Variants in LMNTD1 observed in about 807,000 individuals in gnomAD.
LMNTD1 encodes lamin tail domain containing 1.
LMNTD1 carries 35 observed loss-of-function variants against 50.9 expected under a neutral mutation model. That is an observed-to-expected ratio of 0.69 (90% CI 0.53 to 0.91). The LOEUF is 0.91. LMNTD1 is among the 40% of genes least tolerant of loss of function. The pLI, the probability that LMNTD1 is intolerant of heterozygous loss-of-function variation, is 0.00. For missense variants in LMNTD1, 470 were observed against 475.5 expected, an observed-to-expected ratio of 0.99 and a Z score of 0.11; for synonymous variants, 153 against 161.9, an observed-to-expected ratio of 0.94 and a Z score of 0.42.
In LMNTD1 at chr12:25,646,241, G is replaced by T. The variant is rs149888273; in HGVS notation, c.58+2253C>A. 3.2e-3 allele frequency among the ~76,000 whole-genome samples: 489 copies of T among 151,586 alleles called. 2 individuals carry two copies. The highest frequency in any genetic ancestry group is 0.012 in the African/African-American group (478 of 41,354). On this transcript the variant is annotated intron_variant, in intron 1 of 7. Transcript: ENST00000445693. ...AGAACAGGCCTGTTGTTCATTGACA[G>T]CATATGGAAAGTAGAGCTCAGTGTC...
At chr12:25,648,041 T>C (rs1343692714) in intron 1 of LMNTD1, among the ~76,000 whole-genome samples, 2 of 152,200 alleles carry the variant, frequency 1.3e-5, no homozygotes, top group Admixed American at 1.3e-4. Flanking sequence ...ATAGAGAATG[T>C]AGTTTTTTAA....
At chr12:25,621,961 T>C (rs1352473188) in intron 1 of LMNTD1, among the ~76,000 whole-genome samples, 6 of 152,234 alleles carry the variant, frequency 3.9e-5, no homozygotes, top group African/African-American at 1.4e-4. Flanking sequence ...ACAATCAAAG[T>C]TACTGTAGTA....
At chr12:25,499,637 T>C (rs1362278491) in intron 9 of LMNTD1, among the ~76,000 whole-genome samples, 1 of 152,160 alleles carries the variant, frequency 6.6e-6, no homozygotes, top group Non-Finnish European at 1.5e-5. Flanking sequence ...CATTTTCTTC[T>C]TGCTGGTACT....
At chr12:25,619,704 C>T (rs759983447) in intron 1 of LMNTD1, among the ~76,000 whole-genome samples, 5 of 152,198 alleles carry the variant, frequency 3.3e-5, no homozygotes, top group South Asian at 2.1e-4. Flanking sequence ...GTGGGCAGGA[C>T]GGCAGGTGGG....
chr12:25,549,660 G>T, intron 2 of LMNTD1, 114 bp from the exon 3 acceptor site: 1 of 500,640 alleles, frequency 2.0e-6, no homozygotes, highest in Non-Finnish European at 3.4e-6. Flanking sequence ...AAGGTAATAT[G>T]CATCCAACAC....
chr12:25,506,730 C>A (rs1939813889), intron 8 of LMNTD1, among the ~76,000 whole-genome samples: 1 of 150,168 alleles, frequency 6.7e-6, no homozygotes, highest in Non-Finnish European at 1.5e-5. Context: ...TAGATTCTAT[C>A]AAAAAATTGG....
At chr12:25,626,793 C>T (rs905664391) in intron 1 of LMNTD1, among the ~76,000 whole-genome samples, 1 of 152,162 alleles carries the variant, frequency 6.6e-6, no homozygotes, top group Non-Finnish European at 1.5e-5. Flanking sequence ...ATAAAGATTG[C>T]TCCCACCCAA....
chr12:25,620,123 C>G (rs757106931), intron 1 of LMNTD1, among the ~76,000 whole-genome samples: 3 of 152,222 alleles, frequency 2.0e-5, no homozygotes, highest in African/African-American at 7.2e-5. Context: ...GGACTAGCTA[C>G]TGTCATAGTT....
chr12:25,529,306 C>G (rs1003175647), intron 4 of LMNTD1, among the ~76,000 whole-genome samples: 2 of 152,146 alleles, frequency 1.3e-5, no homozygotes, highest in Non-Finnish European at 2.9e-5. Flanking sequence ...ACAGTGTTTA[C>G]TAACCATTAA....
intron 1 of LMNTD1, among the ~76,000 whole-genome samples, chr12:25,613,292 T>TA (rs1382778451): frequency 6.6e-6 from 1 of 152,186 alleles, no homozygotes; most frequent in Non-Finnish European, 1.5e-5. Context: ...TTATTGCTGG[T>TA]TCTGACATGA....
At chr12:25,518,005 A>G (rs1705413) in intron 8 of LMNTD1, among the ~76,000 whole-genome samples, 152,217 of 152,218 alleles carry the variant, frequency 1, 76,108 homozygotes, top group Non-Finnish European at 1. Context: ...CACCTTGGGT[A>G]GATCTGTTTT....
At chr12:25,556,518 A>G (rs888348486), upstream of LMNTD1, among the ~76,000 whole-genome samples, 3 of 152,106 alleles carry the variant, frequency 2.0e-5, no homozygotes, top group Admixed American at 2.0e-4. Context: ...ATGCTTGTCC[A>G]TTCCTGAACC....
At chr12:25,498,123 TTCTCAC>T (rs1939170416) in intron 9 of LMNTD1, among the ~76,000 whole-genome samples, 1 of 152,140 alleles carries the variant, frequency 6.6e-6, no homozygotes, top group Non-Finnish European at 1.5e-5. Context: ...CAATCATACT[TTCTCAC>T]TACAAATAGG....
chr12:25,479,674 A>G (rs566429115), intron 9 of LMNTD1, among the ~76,000 whole-genome samples: 3 of 152,304 alleles, frequency 2.0e-5, no homozygotes, highest in Admixed American at 6.5e-5. Flanking sequence ...AGGCCTTCCA[A>G]TGAGTCCACA....
chr12:25,636,719 C>T (rs1404234214), intron 1 of LMNTD1, among the ~76,000 whole-genome samples: 1 of 152,066 alleles, frequency 6.6e-6, no homozygotes, highest in African/African-American at 2.4e-5. Context: ...ATTGCAAAAT[C>T]GTGGAACCAA....
intron 1 of LMNTD1, among the ~76,000 whole-genome samples, chr12:25,608,073 CT>C (rs534954213): frequency 6.6e-4 from 100 of 152,192 alleles, no homozygotes; most frequent in East Asian, 1.9e-3. Flanking sequence ...GAATTGATCC[CT>C]TTACCATTAT....
chr12:25,642,124 C>T lies in LMNTD1; in HGVS notation c.58+6370G>A, dbSNP rs150917134. ...AATTTTATGATTTAGATGCCATTTACAAAATAATATATGTTAAAGGGTCCA... is the reference window on the plus strand; with the variant it reads ...AATTTTATGATTTAGATGCCATTTATAAAATAATATATGTTAAAGGGTCCA... On this transcript the variant is annotated intron_variant, in intron 1 of 7. Coordinates refer to the LMNTD1 transcript ENST00000445693. Among the ~76,000 whole-genome samples, 851 of 152,240 alleles carry T rather than the reference C, an allele frequency of 5.6e-3. 11 individuals carry two copies. Among genetic ancestry groups the T allele is most frequent in the South Asian group, 0.044 (210 of 4,822 alleles).
chr12:25,523,510 A>G (rs1941493575), intron 6 of LMNTD1, among the ~76,000 whole-genome samples: 1 of 152,210 alleles, frequency 6.6e-6, no homozygotes, highest in Admixed American at 6.5e-5. Flanking sequence ...TTTTCTACAT[A>G]CAAATAGAAA....
chr12:25,609,124 G>A (rs1395931897), intron 1 of LMNTD1, among the ~76,000 whole-genome samples: 1 of 152,146 alleles, frequency 6.6e-6, no homozygotes, highest in Non-Finnish European at 1.5e-5. Context: ...GGCTACTGAA[G>A]CTTGTGCATG....
Sources: allele counts gnomAD v4.1 joint callset (sites outside exome capture counted in the v4.1 genomes callset), GRCh38; gene constraint gnomAD v4.1.1; transcripts MANE v1.5; gene names NCBI Gene and HGNC (gene_info 2026-07-23, HGNC 2026-07-21).